The following C9 variants were observed in gnomAD, a reference collection of about 807,000 sequenced individuals.
The protein encoded by C9 is complement C9.
A neutral mutation model predicts 65.4 loss-of-function variants in C9; 63 were observed. That is an observed-to-expected ratio of 0.96 (90% CI 0.79 to 1.19). C9 has a LOEUF of 1.19. Among genes scored for constraint, C9 ranks in the 50% most tolerant of loss-of-function variants. The pLI, the probability that C9 is intolerant of heterozygous loss-of-function variation, is 0.00. For missense variants in C9, 744 were observed against 670.1 expected (o/e 1.11, Z -1.22); for synonymous variants, 229 against 227.9 (o/e 1.00, Z -0.04).
rs543199654 is a variant in C9, at chr5:39,344,007, C to G, written c.78-1811G>C. Among the ~76,000 whole-genome samples, 43 of 152,228 alleles carry G rather than the reference C, an allele frequency of 2.8e-4. No homozygotes were observed. The South Asian group carries it at 5.2e-3, about 18-fold the overall frequency. ...CTAACAAACAGAAAGGACATCCACACCAGAACCCCATCTGTACGTCACCAT... is the reference window on the plus strand; with the variant it reads ...CTAACAAACAGAAAGGACATCCACAGCAGAACCCCATCTGTACGTCACCAT... On this transcript the variant is annotated intron_variant, in intron 1 of 10. Transcript: ENST00000263408.
intron 1 of C9, among the ~76,000 whole-genome samples, chr5:39,351,779 G>A (rs185541): frequency 0.055 from 8,383 of 152,172 alleles, 370 homozygotes; most frequent in African/African-American, 0.12. Context: ...CACTCAACAA[G>A]TCTCTAGGAA....
At chr5:39,286,679 C>T (rs535477120) in intron 10 of C9, among the ~76,000 whole-genome samples, 6 of 151,754 alleles carry the variant, frequency 4.0e-5, no homozygotes, top group Admixed American at 2.0e-4. Context: ...AGAAAATAGA[C>T]GTTCCAAGTA....
rs1007500156 is a variant in C9 at position 39,288,715 on chromosome 5, G to T, written c.1645+8C>A. ...TGTCTTTAATCACATCAAATAAATTGTCCTCACCTTCAGAAATTTTTTGTT... is the reference window on the plus strand; with the variant it reads ...TGTCTTTAATCACATCAAATAAATTTTCCTCACCTTCAGAAATTTTTTGTT... On this transcript the variant is annotated splice_region_variant and intron_variant, in intron 10 of 10. Coordinates refer to ENST00000263408, the MANE Select transcript of C9 (RefSeq NM_001737.5). 7.9e-6 allele frequency: 12 copies of T among 1,513,018 alleles called. No homozygotes were observed. The highest frequency in any genetic ancestry group is 1.4e-5 in the African/African-American group (1 of 72,702). The allele number at this position is 1,513,018 out of a possible 1,614,324, so 93.7% of individuals were successfully genotyped here.
intron 9 of C9, among the ~76,000 whole-genome samples, chr5:39,299,395 C>T (rs954019207): frequency 6.6e-6 from 1 of 151,918 alleles, no homozygotes; most frequent in East Asian, 1.9e-4. Flanking sequence ...TTCATAATCA[C>T]CAAAAAATAT....
chr5:39,315,001 A>C (rs1292577030), intron 6 of C9, among the ~76,000 whole-genome samples: 4 of 152,222 alleles, frequency 2.6e-5, no homozygotes, highest in African/African-American at 7.2e-5. Context: ...GTCACAATTA[A>C]ATATTTGTTG....
intron 9 of C9, among the ~76,000 whole-genome samples, chr5:39,303,958 T>A (rs935569695): frequency 6.6e-6 from 1 of 152,158 alleles, no homozygotes; most frequent in Non-Finnish European, 1.5e-5. Flanking sequence ...TGAACTAGAA[T>A]AAACAGGTAA....
rs200646202 is a variant in C9, at chr5:39,341,207, G to A, written c.415C>T (p.Arg139Cys). ...ACCACTCTGTCTCTGCAGGGGGGACGGGGCTCACTTTCACAATCATCCTCA... is the reference window on the plus strand; with the variant it reads ...ACCACTCTGTCTCTGCAGGGGGGACAGGGCTCACTTTCACAATCATCCTCA... Reference protein sequence around the residue: ...SDEDDCESEPRPPCRDRVVEE... With the variant: ...SDEDDCESEPCPPCRDRVVEE... The change falls in exon 4 of 11, where the codon CGT becomes TGT. Residue 139 changes from arginine (R) to cysteine (C), a missense_variant. Coordinates refer to ENST00000263408, the MANE Select transcript of C9 (RefSeq NM_001737.5). 6.3e-5 allele frequency: 101 copies of A among 1,614,120 alleles called. No homozygotes were observed. The highest frequency in any genetic ancestry group is 4.7e-4 in the Admixed American group (28 of 60,024).
intron 5 of C9, among the ~76,000 whole-genome samples, chr5:39,323,522 A>T (rs1753699861): frequency 6.6e-6 from 1 of 151,024 alleles, no homozygotes; most frequent in African/African-American, 2.4e-5. Flanking sequence ...ACATATGCAA[A>T]TCAATAATTG....
At chr5:39,349,157 A>T (rs937940455) in intron 1 of C9, among the ~76,000 whole-genome samples, 7 of 150,692 alleles carry the variant, frequency 4.6e-5, no homozygotes, top group African/African-American at 1.5e-4. Context: ...TATGCCCTAG[A>T]ACTTAAAGTA....
At chr5:39,347,897 C>T (rs935153550) in intron 1 of C9, among the ~76,000 whole-genome samples, 29 of 150,944 alleles carry the variant, frequency 1.9e-4, no homozygotes, top group Non-Finnish European at 4.0e-4. Context: ...TTTGACAAAC[C>T]TGAGAAAAAC....
intron 1 of C9, among the ~76,000 whole-genome samples, chr5:39,351,532 G>A (rs1012691341): frequency 8.5e-5 from 13 of 152,120 alleles, no homozygotes; most frequent in Non-Finnish European, 1.8e-4. Context: ...AAGCAGCCAG[G>A]CCATATTCTG....
intron 6 of C9, among the ~76,000 whole-genome samples, chr5:39,312,200 T>C (rs1407223271): frequency 6.6e-6 from 1 of 152,202 alleles, no homozygotes; most frequent in African/African-American, 2.4e-5. Context: ...TTAAAACATT[T>C]AAAATATTCT....
intron 10 of C9, among the ~76,000 whole-genome samples, chr5:39,287,374 G>C (rs139023386): frequency 2.0e-5 from 3 of 151,816 alleles, no homozygotes; most frequent in African/African-American, 7.3e-5. Flanking sequence ...TATATGGTAA[G>C]AGAATAGAGA....
intron 1 of C9, among the ~76,000 whole-genome samples, chr5:39,362,679 G>A (rs975294860): frequency 6.6e-6 from 1 of 152,194 alleles, no homozygotes; most frequent in Non-Finnish European, 1.5e-5. Context: ...GGTAAGTAAA[G>A]GCACCTTGAC....
intron 7 of C9, among the ~76,000 whole-genome samples, chr5:39,310,688 C>T (rs1028771162): frequency 1.3e-5 from 2 of 152,166 alleles, no homozygotes; most frequent in Non-Finnish European, 2.9e-5. Context: ...GATAACACTG[C>T]TTCTTCTTTT....
intron 1 of C9, among the ~76,000 whole-genome samples, chr5:39,357,389 C>G (rs1428606275): frequency 6.6e-6 from 1 of 152,272 alleles, no homozygotes; most frequent in East Asian, 1.9e-4. Flanking sequence ...ACGAACCTTT[C>G]CTGATTTCTC....
chr5:39,340,727 G>C (rs1723128567), intron 4 of C9, among the ~76,000 whole-genome samples: 1 of 152,132 alleles, frequency 6.6e-6, no homozygotes, highest in Admixed American at 6.5e-5. Context: ...CAAGATCCAG[G>C]AGAAGTTCCA....
chr5:39,356,705 T>A (rs1343486566), intron 1 of C9, among the ~76,000 whole-genome samples: 2 of 152,220 alleles, frequency 1.3e-5, no homozygotes, highest in African/African-American at 4.8e-5. Context: ...AATATATTAT[T>A]GAAAGAATAT....
At chr5:39,312,130 T>C (rs1260976490) in intron 6 of C9, among the ~76,000 whole-genome samples, 1 of 152,174 alleles carries the variant, frequency 6.6e-6, no homozygotes, top group Admixed American at 6.6e-5. Flanking sequence ...TTTAACTCAA[T>C]GTATTTTAAA....
Sources: allele counts gnomAD v4.1 joint callset (sites outside exome capture counted in the v4.1 genomes callset), GRCh38; gene constraint gnomAD v4.1.1; transcripts MANE v1.5; gene names NCBI Gene and HGNC (gene_info 2026-07-23, HGNC 2026-07-21).